The following LRP1B variants were observed in gnomAD, a reference collection of about 807,000 sequenced individuals.
LRP1B encodes LDL receptor related protein 1B.
LRP1B carries 217 observed loss-of-function variants against 556.6 expected under a neutral mutation model. The ratio of observed to expected loss-of-function variants is 0.39; its 90% CI spans 0.35 to 0.44. The LOEUF (loss-of-function observed/expected upper bound fraction) is 0.44. Among genes scored for constraint, LRP1B ranks in the 20% least tolerant of loss-of-function variants. LRP1B has a pLI of 1.00. For missense variants in LRP1B, 5,053 were observed against 5,620.8 expected (o/e 0.90, Z 3.23); for synonymous variants, 2,047 against 1,865.8 (o/e 1.10, Z -2.50).
intron 1 of LRP1B, among the ~76,000 whole-genome samples, chr2:141,866,120 T>A (rs1294726929): frequency 6.6e-6 from 1 of 152,206 alleles, no homozygotes; most frequent in Non-Finnish European, 1.5e-5. Flanking sequence ...TAGGCTATGT[T>A]TTTATCTACA....
chr2:141,774,934 G>C (rs766458741), intron 2 of LRP1B, among the ~76,000 whole-genome samples: 1 of 152,138 alleles, frequency 6.6e-6, no homozygotes, highest in Non-Finnish European at 1.5e-5. Context: ...ACATCTTTAA[G>C]ATACATATTC....
chr2:141,197,418 C>T (rs1270051521), intron 6 of LRP1B, among the ~76,000 whole-genome samples: 1 of 152,094 alleles, frequency 6.6e-6, no homozygotes, highest in South Asian at 2.1e-4. Context: ...TAATTATCTG[C>T]TCCTTATTGT....
intron 14 of LRP1B, among the ~76,000 whole-genome samples, chr2:141,013,279 A>G (rs1697807583): frequency 6.6e-6 from 1 of 152,032 alleles, no homozygotes; most frequent in South Asian, 2.1e-4. Context: ...AATAACTAAT[A>G]GCCTTCTTCA....
intron 20 of LRP1B, among the ~76,000 whole-genome samples, chr2:140,934,803 C>G (rs1332159731): frequency 6.6e-6 from 1 of 152,176 alleles, no homozygotes; most frequent in Non-Finnish European, 1.5e-5. Flanking sequence ...GCTGAAGTGG[C>G]TTCCAGGGAA....
chr2:140,245,621 TGA>T (rs1432713036), intron 87 of LRP1B, among the ~76,000 whole-genome samples: 1 of 151,446 alleles, frequency 6.6e-6, no homozygotes, highest in Non-Finnish European at 1.5e-5. Context: ...TAACGATTGT[TGA>T]GTTTTGCAAA....
At chr2:142,030,065 G>C (rs2105193662) in intron 1 of LRP1B, among the ~76,000 whole-genome samples, 2 of 149,076 alleles carry the variant, frequency 1.3e-5, no homozygotes, top group Admixed American at 1.3e-4. Context: ...CAAGTTGCTT[G>C]TATATTTGTG....
chr2:140,683,774 A>C (rs1353090660), intron 41 of LRP1B: 2 of 964,322 alleles, frequency 2.1e-6, no homozygotes, highest in Non-Finnish European at 3.2e-6. Flanking sequence ...TCCTGACAGG[A>C]GTGGTCAGCT....
intron 87 of LRP1B, among the ~76,000 whole-genome samples, chr2:140,245,256 G>A (rs2104895150): frequency 6.6e-6 from 1 of 151,436 alleles, no homozygotes; most frequent in South Asian, 2.1e-4. Flanking sequence ...ACTGTTGCAT[G>A]TAATTAAAAC....
intron 9 of LRP1B, 86 bp from the exon 10 acceptor site, chr2:141,055,345 T>C (rs2105456622): frequency 6.9e-7 from 1 of 1,442,130 alleles, no homozygotes; most frequent in South Asian, 1.4e-5. Context: ...ATTTCTATAG[T>C]GTAAAAACAG....
intron 90 of LRP1B, among the ~76,000 whole-genome samples, chr2:140,234,321 T>C (rs775877588): frequency 2.6e-5 from 4 of 151,288 alleles, no homozygotes; most frequent in African/African-American, 7.3e-5. Flanking sequence ...AGTTACTTAA[T>C]TGAAACATGT....
rs1364597921 is a variant in LRP1B, at chr2:140,364,706, C to T, written c.11086G>A (p.Glu3696Lys). The T allele has an allele frequency of 1.2e-6, 2 of 1,610,448 alleles. No homozygotes were observed. The highest frequency in any genetic ancestry group is 4.5e-5 in the East Asian group (2 of 44,744). Reference protein sequence around the residue: ...CKLHFWVCDGEDDCGDNSDEA... With the variant: ...CKLHFWVCDGKDDCGDNSDEA... The stretch of plus-strand genomic sequence containing the variant: ...TCAGAGTTGTCTCCACAGTCGTCCT[C>T]TCCATCACACACCCAGAAATGTAGT... Residue 3696 changes from glutamate to lysine, a missense_variant, in exon 72 of 91, where the codon GAG (glutamate) becomes AAG (lysine). Physicochemically the swap from Glu to Lys is moderately conservative, Grantham distance 56. Transcript: ENST00000389484.
chr2:141,243,895 C>T (rs188842306), intron 5 of LRP1B, among the ~76,000 whole-genome samples: 40 of 152,302 alleles, frequency 2.6e-4, no homozygotes, highest in African/African-American at 9.1e-4. Flanking sequence ...TGTCTAAAAT[C>T]TCCTCCCTTC....
At chr2:141,633,514 C>A (rs1256046228) in intron 2 of LRP1B, among the ~76,000 whole-genome samples, 1 of 152,042 alleles carries the variant, frequency 6.6e-6, no homozygotes, top group Non-Finnish European at 1.5e-5. Flanking sequence ...TTTCTTATTT[C>A]TTTCCCAGGA....
intron 2 of LRP1B, among the ~76,000 whole-genome samples, chr2:141,807,214 G>A (rs1696193193): frequency 6.6e-6 from 1 of 151,994 alleles, no homozygotes; most frequent in Non-Finnish European, 1.5e-5. Flanking sequence ...AATGATAATG[G>A]TGAACATCTG....
intron 1 of LRP1B, among the ~76,000 whole-genome samples, chr2:141,936,570 T>G (rs1434753233): frequency 1.3e-5 from 2 of 152,104 alleles, no homozygotes; most frequent in African/African-American, 2.4e-5. Flanking sequence ...GAAAATAAAT[T>G]CCTGGTTTTT....
intron 29 of LRP1B, among the ~76,000 whole-genome samples, chr2:140,845,008 CT>C (rs1205135371): frequency 1.3e-5 from 2 of 152,100 alleles, no homozygotes; most frequent in Non-Finnish European, 2.9e-5. Flanking sequence ...TAAGAGTGAT[CT>C]TCTGGGTATA....
intron 7 of LRP1B, among the ~76,000 whole-genome samples, chr2:141,167,703 G>T (rs533672684): frequency 6.6e-6 from 1 of 151,534 alleles, no homozygotes; most frequent in Non-Finnish European, 1.5e-5. Context: ...TTTATGTCAG[G>T]GATTTTCATC....
At chr2:141,437,130 AG>A (rs1161761843) in intron 3 of LRP1B, among the ~76,000 whole-genome samples, 3 of 152,134 alleles carry the variant, frequency 2.0e-5, no homozygotes, top group Non-Finnish European at 4.4e-5. Flanking sequence ...GCTAAGCATA[AG>A]AAGAGTAAAT....
At chr2:140,923,771 A>G (rs1694809865) in intron 20 of LRP1B, among the ~76,000 whole-genome samples, 1 of 151,998 alleles carries the variant, frequency 6.6e-6, no homozygotes, top group Non-Finnish European at 1.5e-5. Flanking sequence ...AGACATTCAA[A>G]TTTATCAATT....
Sources: allele counts gnomAD v4.1 joint callset (sites outside exome capture counted in the v4.1 genomes callset), GRCh38; gene constraint gnomAD v4.1.1; transcripts MANE v1.5; gene names NCBI Gene and HGNC (gene_info 2026-07-23, HGNC 2026-07-21).